TEX11: variants seen among roughly 807,000 people sequenced by gnomAD.
The protein encoded by TEX11 is testis-expressed protein 11.
Under a neutral mutation model 84.4 loss-of-function variants are expected in TEX11, and 7 were observed. The observed-to-expected ratio is 0.08, with a 90% CI of 0.05 to 0.16. TEX11 has a LOEUF of 0.16. Ranked by LOEUF, TEX11 falls within the 10% of genes least tolerant of loss-of-function variation. The probability of loss-of-function intolerance (pLI) is 1.00; values close to 1 mark genes in which losing one functional copy is unlikely to be tolerated. For synonymous variants in TEX11, 264 were observed against 222.8 expected (o/e 1.18, Z -1.64); for missense variants, 551 against 660.5 (o/e 0.83, Z 1.82).
At chrX:70,837,082 T>C (rs1042224481) in intron 7 of TEX11, among the ~76,000 whole-genome samples, 2 of 110,022 alleles carry the variant, frequency 1.8e-5, no homozygotes, top group African/African-American at 6.7e-5. Flanking sequence ...TAGAAAACAG[T>C]TGGCAGTTTC....
intron 2 of TEX11, among the ~76,000 whole-genome samples, chrX:70,899,079 C>T (rs1476503473): frequency 8.9e-6 from 1 of 111,912 alleles, no homozygotes; most frequent in African/African-American, 3.2e-5. Flanking sequence ...ATCTGAGGAT[C>T]CCATTGTTGT....
chrX:70,555,286 C>A (rs2088271683), intron 25 of TEX11, among the ~76,000 whole-genome samples: 1 of 112,134 alleles, frequency 8.9e-6, no homozygotes, highest in Non-Finnish European at 1.9e-5. Context: ...GACAGAATTT[C>A]TTGGGCATCA....
At chrX:70,715,185 T>C (rs772897959) in intron 13 of TEX11, among the ~76,000 whole-genome samples, 2,033 of 104,070 alleles carry the variant, frequency 0.02, 140 homozygotes, top group African/African-American at 0.071. Context: ...TGGGCTTCCC[T>C]TTGTGGGCAA....
At chrX:70,594,299 T>C (rs1309792782) in intron 24 of TEX11, among the ~76,000 whole-genome samples, 4 of 111,302 alleles carry the variant, frequency 3.6e-5, no homozygotes, top group Non-Finnish European at 7.5e-5. Flanking sequence ...AATAAAGATG[T>C]CCCTGGATAA....
At chrX:70,892,746 G>A (rs757168391) in intron 2 of TEX11, among the ~76,000 whole-genome samples, 4 of 106,659 alleles carry the variant, frequency 3.8e-5, no homozygotes, top group African/African-American at 1.4e-4. Flanking sequence ...AAAAAAAAAA[G>A]ACACATACTG....
At chrX:70,659,963 A>G (rs2089909251) in intron 16 of TEX11, among the ~76,000 whole-genome samples, 2 of 112,278 alleles carry the variant, frequency 1.8e-5, no homozygotes, top group Non-Finnish European at 3.8e-5. Context: ...ATAGCCTACT[A>G]TACATGACTA....
chrX:70,825,236 C>T (rs1278225816), intron 8 of TEX11, among the ~76,000 whole-genome samples: 2 of 109,623 alleles, frequency 1.8e-5, no homozygotes, highest in African/African-American at 6.6e-5. Flanking sequence ...CGCTTGAACC[C>T]GGGAAATGGA....
intron 8 of TEX11, among the ~76,000 whole-genome samples, chrX:70,808,050 G>C (rs2091229289): frequency 1.1e-5 from 1 of 92,793 alleles, no homozygotes; most frequent in African/African-American, 4.4e-5. Flanking sequence ...GTTGCAGTAA[G>C]CCGAGATCGT....
At chrX:70,564,751 T>G (rs6625632) in intron 25 of TEX11, among the ~76,000 whole-genome samples, 44,499 of 106,690 alleles carry the variant, frequency 0.42, 8,231 homozygotes, top group East Asian at 0.6. Context: ...TTTTTATGGC[T>G]GCATAGTATT....
At chrX:70,723,966 G>T in intron 12 of TEX11, 1 of 417,395 alleles carries the variant, frequency 2.4e-6, no homozygotes. Flanking sequence ...CTCCTAATCT[G>T]TAATCAAACT....
At chrX:70,601,702 T>C (rs939243923) in intron 24 of TEX11, among the ~76,000 whole-genome samples, 1 of 100,262 alleles carries the variant, frequency 1.0e-5, no homozygotes, top group African/African-American at 3.7e-5. Context: ...AGTGTTTGTG[T>C]CCCTGGGTAC....
chrX:70,677,810 CT>C (rs35653618), intron 15 of TEX11, among the ~76,000 whole-genome samples: 11,278 of 63,058 alleles, frequency 0.18, 526 homozygotes, highest in Admixed American at 0.24. Flanking sequence ...CTTTTCTTTC[CT>C]TTTTTTTTTT....
chrX:70,875,429 G>A (rs2091650721), intron 3 of TEX11, among the ~76,000 whole-genome samples: 1 of 109,862 alleles, frequency 9.1e-6, no homozygotes, highest in Non-Finnish European at 1.9e-5. Context: ...TGATGGAATA[G>A]TATTCATCCA....
intron 13 of TEX11, among the ~76,000 whole-genome samples, chrX:70,698,460 G>A (rs1015170987): frequency 1.8e-5 from 2 of 108,509 alleles, no homozygotes; most frequent in Non-Finnish European, 3.8e-5. Context: ...ATCAAGAGGT[G>A]AGAATCCTGA....
At chrX:70,729,271 G>C (rs1432521690) in intron 11 of TEX11, among the ~76,000 whole-genome samples, 4 of 112,366 alleles carry the variant, frequency 3.6e-5, no homozygotes, top group Non-Finnish European at 7.5e-5. Flanking sequence ...TCTTCCAAAG[G>C]AGCGCAGCTC....
chrX:70,849,001 A>G (rs896789512), intron 7 of TEX11, among the ~76,000 whole-genome samples: 1 of 112,272 alleles, frequency 8.9e-6, no homozygotes, highest in African/African-American at 3.2e-5. Flanking sequence ...ACCAAGATCT[A>G]TAGTTATTTT....
At chrX:70,515,089 A>ACG in the TEX11 span, among the ~76,000 whole-genome samples, 1 of 97,393 alleles carries the variant, frequency 1.0e-5, no homozygotes, top group South Asian at 4.3e-4. Flanking sequence ...ACACACACAC[A>ACG]CACACACAGA....
intron 9 of TEX11, among the ~76,000 whole-genome samples, chrX:70,758,906 T>A (rs772963627): frequency 1.8e-5 from 2 of 110,910 alleles, no homozygotes; most frequent in African/African-American, 6.6e-5. Context: ...AAGAATCAAA[T>A]AGACACAATA....
At chrX:70,624,621 G>T (rs1369548063) in intron 19 of TEX11, among the ~76,000 whole-genome samples, 1 of 111,680 alleles carries the variant, frequency 9.0e-6, no homozygotes, top group Admixed American at 9.5e-5. Flanking sequence ...TGACCAACAG[G>T]AGAACCACTC....
Sources: allele counts gnomAD v4.1 joint callset (sites outside exome capture counted in the v4.1 genomes callset), GRCh38; gene constraint gnomAD v4.1.1; transcripts MANE v1.5; gene names NCBI Gene and HGNC (gene_info 2026-07-23, HGNC 2026-07-21).